TMPRSS4: variants seen among roughly 807,000 people sequenced by gnomAD.
TMPRSS4 encodes the protein transmembrane protease serine 4.
In TMPRSS4, 45 loss-of-function variants were observed where a neutral mutation model predicts 56.4. The ratio of observed to expected loss-of-function variants is 0.80; its 90% CI spans 0.63 to 1.02. The LOEUF (loss-of-function observed/expected upper bound fraction) is 1.02. TMPRSS4 is among the 50% of genes least tolerant of loss of function. The pLI, the probability that TMPRSS4 is intolerant of heterozygous loss-of-function variation, is 0.00. For synonymous variants in TMPRSS4, 205 were observed against 211.0 expected (o/e 0.97, Z 0.25); for missense variants, 546 against 556.7 (o/e 0.98, Z 0.19).
chr11:118,096,947 AAAGGAAG>A (rs1946383348), intron 2 of TMPRSS4, among the ~76,000 whole-genome samples: 1 of 83,638 alleles, frequency 1.2e-5, no homozygotes, highest in Non-Finnish European at 2.8e-5. Context: ...AGAAAGAAAG[AAAGGAAG>A]GAAAGAAAGA....
Position 118,108,901 on chromosome 11 carries a change from G to C in TMPRSS4, c.583+5G>C. 6.2e-7 allele frequency: 1 copy of C among 1,613,196 alleles called. No homozygotes were observed. The highest frequency in any genetic ancestry group is 8.5e-7 in the Non-Finnish European group (1 of 1,179,516). ...TGGTCTCCCTGCACTGTCTTGGTGA[G>C]TACCCCCAATCTCTGAGGGTTTGGG... On this transcript the variant is annotated splice_donor_5th_base_variant and intron_variant, in intron 7 of 12. Coordinates refer to ENST00000437212, the MANE Select transcript of TMPRSS4 (RefSeq NM_019894.4).
intron 4 of TMPRSS4, among the ~76,000 whole-genome samples, 181 bp downstream of exon 4, chr11:118,103,434 T>C (rs1946834474): frequency 6.6e-6 from 1 of 152,096 alleles, no homozygotes; most frequent in Non-Finnish European, 1.5e-5. Context: ...CAAGATGGAG[T>C]GCAGTGTCTT....
At chr11:118,113,497 A>G in intron 9 of TMPRSS4, 62 bp downstream of exon 9, 1 of 1,577,766 alleles carries the variant, frequency 6.3e-7, no homozygotes, top group Non-Finnish European at 8.7e-7. Context: ...CCACTCTGCT[A>G]TTAGCTCACT....
In TMPRSS4 at chr11:118,103,086, G is replaced by A. The variant is rs562921711; in HGVS notation, c.158-15G>A. On this transcript the variant is annotated splice_polypyrimidine_tract_variant and intron_variant, in intron 3 of 12. Transcript: ENST00000437212. ...CCCTCAGCCCTCTCTGCCTCTCCCT[G>A]CACTTGCCTTCCAGTCAAGGTGATT... The A allele has an allele frequency of 3.1e-6, 5 of 1,613,668 alleles. No homozygotes were observed. The South Asian group carries it at 5.5e-5, about 18-fold the overall frequency.
intron 1 of TMPRSS4, among the ~76,000 whole-genome samples, chr11:118,090,227 G>A (rs1465493069): frequency 2.0e-5 from 3 of 152,134 alleles, no homozygotes; most frequent in Admixed American, 6.5e-5. Flanking sequence ...AGTCAGGTTC[G>A]TAAAGACTGA....
Position 118,097,527 on chromosome 11 carries a change from T to C in TMPRSS4, c.44-1458T>C, listed in dbSNP as rs185818075. On this transcript the variant is annotated intron_variant, in intron 2 of 12. Coordinates refer to ENST00000437212, the MANE Select transcript of TMPRSS4 (RefSeq NM_019894.4). ...ATCTCCCCCAGGGCAGAAGTCCCCA[T>C]GGCACCTCCCCAGCTTATTTCCCAC... is the stretch of plus-strand genomic sequence containing the variant. 1.2e-3 allele frequency among the ~76,000 whole-genome samples: 185 copies of C among 152,278 alleles called. 1 individual carries two copies. The highest frequency in any genetic ancestry group is 4.3e-3 in the African/African-American group (179 of 41,572).
At chr11:118,109,266 C>T (rs867685212) in intron 7 of TMPRSS4, among the ~76,000 whole-genome samples, 1 of 152,220 alleles carries the variant, frequency 6.6e-6, no homozygotes, top group Non-Finnish European at 1.5e-5. Flanking sequence ...TATCCAAGAT[C>T]AGATTACCCA....
intron 1 of TMPRSS4, among the ~76,000 whole-genome samples, chr11:118,090,954 A>G (rs1417662664): frequency 1.3e-5 from 2 of 152,194 alleles, no homozygotes; most frequent in Non-Finnish European, 2.9e-5. Flanking sequence ...CGGGTCCATC[A>G]AAGTTGTATA....
intron 3 of TMPRSS4, 62 bp from the exon 4 acceptor site, chr11:118,103,039 G>C (rs1946797411): frequency 4.4e-6 from 7 of 1,588,376 alleles, no homozygotes; most frequent in Non-Finnish European, 6.0e-6. Context: ...GGAAAACCCA[G>C]CGTCTCCCTG....
intron 1 of TMPRSS4, 46 bp downstream of exon 1, chr11:118,077,351 TC>T (rs1374214238): frequency 1.9e-6 from 3 of 1,568,018 alleles, no homozygotes; most frequent in Non-Finnish European, 2.6e-6. Flanking sequence ...AGGGTGGGTC[TC>T]CCCATGTAAG....
chr11:118,124,408 CA>C (rs1403080994), downstream of TMPRSS4, among the ~76,000 whole-genome samples: 1 of 151,296 alleles, frequency 6.6e-6, no homozygotes, highest in Admixed American at 6.6e-5. Flanking sequence ...CAAAACAAAA[CA>C]AAACAAACAA....
chr11:118,121,985 TAGTTA>T (rs1330225307), downstream of TMPRSS4: 3 of 152,188 alleles, frequency 2.0e-5, no homozygotes, highest in African/African-American at 7.2e-5. Flanking sequence ...TCTAGATGGT[TAGTTA>T]AAAGAGTAAT....
At chr11:118,082,483 C>T (rs936904246) in intron 1 of TMPRSS4, among the ~76,000 whole-genome samples, 5 of 151,942 alleles carry the variant, frequency 3.3e-5, no homozygotes, top group African/African-American at 9.7e-5. Context: ...ATCGCTTGAA[C>T]CCAGGAGGCA....
chr11:118,103,003 T>C, intron 3 of TMPRSS4, 98 bp from the exon 4 acceptor site: 1 of 1,499,982 alleles, frequency 6.7e-7, no homozygotes. Flanking sequence ...CACACATGCG[T>C]GTCTGAGAGC....
At position 118,077,250 on chromosome 11, in the gene TMPRSS4, G is replaced by T; in HGVS notation, c.-53G>T. On this transcript the variant is annotated 5_prime_UTR_variant, in exon 1 of 13. Transcript: ENST00000437212. ...GGGGAGGCCCTCCTGCTGCCTTGGGGTGACAATCTCAGCTCCAGGCTACAG... is the reference window on the plus strand; with the variant it reads ...GGGGAGGCCCTCCTGCTGCCTTGGGTTGACAATCTCAGCTCCAGGCTACAG... 16 of 1,585,792 alleles carry T rather than the reference G, an allele frequency of 1.0e-5. No homozygotes were observed. The South Asian group carries it at 1.7e-4, about 17-fold the overall frequency.
rs780573746 is a variant in TMPRSS4 at position 118,117,382 on chromosome 11, C to T, written c.1230C>T (p.Cys410=). Residue 410 remains cysteine, a synonymous_variant, in exon 12 of 13, where the codon TGC becomes TGT. Transcript: ENST00000437212. ...VVGIVSWGYG[C]GGPSTPGVYT... ...GCATCGTTAGTTGGGGCTATGGCTG[C>T]GGGGGCCCGAGCACCCCAGGAGTAT... 3.8e-5 allele frequency: 61 copies of T among 1,614,016 alleles called. No individual in the cohort carries two copies. Among genetic ancestry groups the T allele is most frequent in the East Asian group, 2.0e-4 (9 of 44,870 alleles).
chr11:118,099,816 GC>G (rs769089595), intron 3 of TMPRSS4, among the ~76,000 whole-genome samples: 36 of 152,098 alleles, frequency 2.4e-4, no homozygotes, highest in Non-Finnish European at 4.0e-4. Flanking sequence ...TTGGCACCTG[GC>G]CCCCTTCAGC....
intron 3 of TMPRSS4, among the ~76,000 whole-genome samples, chr11:118,102,333 G>A (rs182063369): frequency 2.8e-4 from 43 of 152,306 alleles, no homozygotes; most frequent in Admixed American, 1.0e-3. Context: ...ACAGCCCTGC[G>A]AGGCAGATAT....
intron 1 of TMPRSS4, among the ~76,000 whole-genome samples, chr11:118,089,555 C>A (rs1051925751): frequency 6.6e-6 from 1 of 152,190 alleles, no homozygotes; most frequent in African/African-American, 2.4e-5. Flanking sequence ...CCATCATCCC[C>A]AACAAAAGCT....
Sources: gnomAD v4.1 joint callset for allele counts (sites outside exome capture counted in the v4.1 genomes callset) on GRCh38, gnomAD v4.1.1 for gene constraint, MANE v1.5 for transcripts, NCBI Gene and HGNC (gene_info 2026-07-23, HGNC 2026-07-21) for gene names.